KANK1: variants seen among roughly 807,000 people sequenced by gnomAD.
KANK1 encodes KN motif and ankyrin repeat domain-containing protein 1.
Under a neutral mutation model 106.2 loss-of-function variants are expected in KANK1, and 109 were observed. That is an observed-to-expected ratio of 1.03 (90% CI 0.88 to 1.20). The LOEUF (loss-of-function observed/expected upper bound fraction) is 1.20. Among genes scored for constraint, KANK1 ranks in the 50% most tolerant of loss-of-function variants. The pLI is 0.00. For synonymous variants in KANK1, 873 were observed against 652.2 expected, an observed-to-expected ratio of 1.34 and a Z score of -5.16; for missense variants, 2,399 against 1,710.7, an observed-to-expected ratio of 1.40 and a Z score of -7.10.
intron 1 of KANK1, among the ~76,000 whole-genome samples, chr9:507,241 G>T (rs2058803389): frequency 6.6e-6 from 1 of 151,556 alleles, no homozygotes; most frequent in East Asian, 1.9e-4. Context: ...TGTAGTCCCA[G>T]CTACTTGGGA....
rs1175822024 is a variant in KANK1, at chr9:608,031, A to AT, written c.-83-68857dup. Among the ~76,000 whole-genome samples, 258 of 88,072 alleles carry AT rather than the reference A, an allele frequency of 2.9e-3. 2 individuals are homozygous for AT. The highest frequency in any genetic ancestry group is 5.4e-3 in the African/African-American group (128 of 23,894). 57.8% of individuals were successfully genotyped at this position (88,072 alleles called of 152,430 possible). A position where few individuals can be genotyped will look rare whatever the true frequency, so the allele number is the denominator to read the frequency against. ...TTTCAGAATTATTATTATTATTATTATTATTTTTTTTTTTTTTGAGACGGA... is the reference window on the plus strand; with the variant it reads ...TTTCAGAATTATTATTATTATTATTATTTATTTTTTTTTTTTTTGAGACGGA... On this transcript the variant is annotated intron_variant, in intron 1 of 11. Coordinates refer to ENST00000382297, the MANE Select transcript of KANK1 (RefSeq NM_015158.5).
intron 1 of KANK1, among the ~76,000 whole-genome samples, chr9:610,853 G>A (rs1383095922): frequency 6.6e-6 from 1 of 152,120 alleles, no homozygotes. Context: ...ATTTTTCTGG[G>A]AACTGAGACT....
chr9:591,169 T>G (rs962980006), intron 1 of KANK1, among the ~76,000 whole-genome samples: 1 of 151,938 alleles, frequency 6.6e-6, no homozygotes, highest in Non-Finnish European at 1.5e-5. Context: ...TTTTAAAGAT[T>G]TAAAATTTTT....
At chr9:725,665 C>T (rs1830461252) in intron 3 of KANK1, among the ~76,000 whole-genome samples, 1 of 152,002 alleles carries the variant, frequency 6.6e-6, no homozygotes, top group Admixed American at 6.6e-5. Context: ...ATCACTTGGC[C>T]CCCATCCCAG....
chr9:565,352 T>G (rs1197470247), intron 1 of KANK1, among the ~76,000 whole-genome samples: 1 of 152,238 alleles, frequency 6.6e-6, no homozygotes, highest in Non-Finnish European at 1.5e-5. Flanking sequence ...CCATTCTACC[T>G]TGTGCAGACA....
At chr9:742,451 C>A in intron 10 of KANK1, 46 bp downstream of exon 10, 1 of 1,495,752 alleles carries the variant, frequency 6.7e-7, no homozygotes, top group South Asian at 1.2e-5. Context: ...CTGGGGGACT[C>A]TGGACGGGAG....
In KANK1 at chr9:517,577, G is replaced by A. The variant is rs144971223; in HGVS notation, c.-84+12823G>A. On this transcript the variant is annotated intron_variant, in intron 1 of 11. Coordinates refer to ENST00000382297, the MANE Select transcript of KANK1 (RefSeq NM_015158.5). ...TTTTTTTCCTTTAGTGAAATCCTAT[G>A]TGCCTATAGAGCTTTTTCACACTTT... Among the ~76,000 whole-genome samples, 146 of 151,562 alleles carry A rather than the reference G, an allele frequency of 9.6e-4. 10 individuals are homozygous for A. The highest frequency in any genetic ancestry group is 3.3e-3 in the African/African-American group (135 of 40,966).
intron 1 of KANK1, among the ~76,000 whole-genome samples, chr9:606,598 A>ATGTG (rs113128911): frequency 1.4e-5 from 2 of 138,442 alleles, no homozygotes; most frequent in East Asian, 3.9e-4. Context: ...CCTATAAAAT[A>ATGTG]TGTGTGTGTG....
At position 604,077 on chromosome 9, in the gene KANK1, A is replaced by G. The variant is rs116002471; in HGVS notation, c.-83-72813A>G. On this transcript the variant is annotated intron_variant, in intron 1 of 11. Coordinates refer to ENST00000382297, the MANE Select transcript of KANK1 (RefSeq NM_015158.5). Reference sequence around the variant, plus strand: ...AATGGAGTGTCAGTGATTTCAGCAAAAAGTTGGGGTACCAGTTCATAATAA... The same window carrying G: ...AATGGAGTGTCAGTGATTTCAGCAAGAAGTTGGGGTACCAGTTCATAATAA... Among the ~76,000 whole-genome samples the G allele has an allele frequency of 1.9e-3, 290 of 151,746 alleles. 9 individuals are homozygous for G. Among genetic ancestry groups the G allele is most frequent in the African/African-American group, 6.7e-3 (274 of 41,112 alleles).
intron 1 of KANK1, among the ~76,000 whole-genome samples, chr9:584,055 T>C (rs1211711529): frequency 1.3e-5 from 2 of 152,172 alleles, no homozygotes; most frequent in Non-Finnish European, 2.9e-5. Context: ...CTTGACCTTA[T>C]CCCAGGCAAA....
intron 3 of KANK1, among the ~76,000 whole-genome samples, chr9:484,970 G>A (rs1009747778): frequency 6.6e-6 from 1 of 151,782 alleles, no homozygotes; most frequent in Non-Finnish European, 1.5e-5. Context: ...AGACATAAAT[G>A]TGTCAATGCT....
In KANK1 at chr9:593,560, C is replaced by CA. The variant is rs1163153769; in HGVS notation, c.-83-83323dup. On this transcript the variant is annotated intron_variant, in intron 1 of 11. Coordinates refer to ENST00000382297, the MANE Select transcript of KANK1 (RefSeq NM_015158.5). ...GAAGCCTTTGTTTTTTGGCTGGTGG[C>CA]AAAAAAACCAGAGTAACTTAGAGAA... Among the ~76,000 whole-genome samples, 19 of 149,650 alleles carry CA rather than the reference C, an allele frequency of 1.3e-4. No homozygotes were observed. The East Asian group carries it at 2.8e-3, about 22-fold the overall frequency.
chr9:505,232 C>A (rs1353124349), intron 1 of KANK1, among the ~76,000 whole-genome samples: 1 of 152,158 alleles, frequency 6.6e-6, no homozygotes, highest in African/African-American at 2.4e-5. Flanking sequence ...GGATGTTGCC[C>A]TTCGCGGGAG....
intron 1 of KANK1, among the ~76,000 whole-genome samples, chr9:638,784 T>C (rs1837719302): frequency 6.6e-6 from 1 of 152,216 alleles, no homozygotes; most frequent in African/African-American, 2.4e-5. Flanking sequence ...CATCAGCGTA[T>C]GGAAATTTTC....
chr9:743,220 A>T (rs1280416059), intron 10 of KANK1, among the ~76,000 whole-genome samples: 2 of 152,194 alleles, frequency 1.3e-5, no homozygotes, highest in Non-Finnish European at 2.9e-5. Context: ...TCAAAACACC[A>T]AAAAGTTAGG....
chr9:519,852 A>G (rs1587459603), intron 1 of KANK1, among the ~76,000 whole-genome samples: 1 of 151,796 alleles, frequency 6.6e-6, no homozygotes. Flanking sequence ...CCCTTAAAGC[A>G]TGCATTTATA....
At chr9:704,665 G>A (rs1342847008) in intron 2 of KANK1, among the ~76,000 whole-genome samples, 1 of 151,980 alleles carries the variant, frequency 6.6e-6, no homozygotes, top group East Asian at 1.9e-4. Flanking sequence ...TCCAAACAGA[G>A]ACTTCTTGTA....
chr9:494,004 T>C (rs1318759226), intron 3 of KANK1, among the ~76,000 whole-genome samples: 1 of 152,040 alleles, frequency 6.6e-6, no homozygotes, highest in Non-Finnish European at 1.5e-5. Context: ...TGCCTCAGCC[T>C]CCTGAGTAGC....
chr9:505,500 C>G (rs1408825644), intron 1 of KANK1, among the ~76,000 whole-genome samples: 1 of 152,242 alleles, frequency 6.6e-6, no homozygotes, highest in East Asian at 1.9e-4. Context: ...TTCTGTGCCG[C>G]TTTGGGCAAC....
Sources: allele counts gnomAD v4.1 joint callset (sites outside exome capture counted in the v4.1 genomes callset), GRCh38; gene constraint gnomAD v4.1.1; transcripts MANE v1.5; gene names NCBI Gene and HGNC (gene_info 2026-07-23, HGNC 2026-07-21).